PLA2R1: variants seen among roughly 807,000 people sequenced by gnomAD.
PLA2R1 encodes the protein phospholipase A2 receptor 1, also known as secretory phospholipase A2 receptor.
A neutral mutation model predicts 195.9 loss-of-function variants in PLA2R1; 158 were observed. The ratio of observed to expected loss-of-function variants is 0.81; its 90% CI spans 0.71 to 0.92. The LOEUF is 0.92. Among genes scored for constraint, PLA2R1 ranks in the 40% least tolerant of loss-of-function variants. PLA2R1 has a pLI of 0.00. For synonymous variants in PLA2R1, 586 were observed against 598.2 expected, an observed-to-expected ratio of 0.98 and a Z score of 0.30; for missense variants, 1,626 against 1,764.6, an observed-to-expected ratio of 0.92 and a Z score of 1.41.
intron 28 of PLA2R1, among the ~76,000 whole-genome samples, chr2:159,943,160 G>A (rs138342937): frequency 1.2e-3 from 175 of 152,112 alleles, no homozygotes; most frequent in African/African-American, 4.0e-3. Flanking sequence ...AGTAGAGATG[G>A]AGTTTTGCCA....
chr2:160,027,544 T>TA (rs1424059328), intron 6 of PLA2R1, among the ~76,000 whole-genome samples: 1 of 152,252 alleles, frequency 6.6e-6, no homozygotes, highest in African/African-American at 2.4e-5. Flanking sequence ...AGACAATATT[T>TA]AAAAATGACA....
chr2:160,049,991 A>G (rs1695118816), intron 1 of PLA2R1, among the ~76,000 whole-genome samples: 1 of 152,220 alleles, frequency 6.6e-6, no homozygotes, highest in Non-Finnish European at 1.5e-5. Flanking sequence ...ATCAGGATAA[A>G]GAGCTAATGC....
chr2:159,928,549 G>A (rs1414806143), downstream of PLA2R1, among the ~76,000 whole-genome samples: 1 of 152,184 alleles, frequency 6.6e-6, no homozygotes, highest in Admixed American at 6.5e-5. Flanking sequence ...TCATGGATAG[G>A]TGGAATCAAT....
intron 23 of PLA2R1, among the ~76,000 whole-genome samples, chr2:159,952,236 G>T (rs1333121359): frequency 6.6e-6 from 1 of 152,152 alleles, no homozygotes; most frequent in Non-Finnish European, 1.5e-5. Flanking sequence ...ACGTTGTCAA[G>T]CATTGGTGCT....
intron 20 of PLA2R1, among the ~76,000 whole-genome samples, chr2:159,957,875 G>A (rs1490129274): frequency 6.6e-6 from 1 of 152,134 alleles, no homozygotes; most frequent in African/African-American, 2.4e-5. Flanking sequence ...TGCAAAGGAT[G>A]TTTCATCTGG....
intron 8 of PLA2R1, 48 bp downstream of exon 8, chr2:160,020,058 T>G (rs1449224390): frequency 6.8e-7 from 1 of 1,467,778 alleles, no homozygotes; most frequent in African/African-American, 1.4e-5. Context: ...CAGGTGGCCT[T>G]CAGTACAAGA....
rs1689659594 is a variant in PLA2R1 at position 159,977,561 on chromosome 2, G to A, written c.2269-145C>T. 2.2e-5 allele frequency: 13 copies of A among 587,584 alleles called. No homozygotes were observed. In the South Asian group the frequency reaches 2.5e-4, roughly 11 times the overall value. The allele number at this position is 587,584 out of a possible 1,614,324, so 36.4% of individuals were successfully genotyped here. A position where few individuals can be genotyped will look rare whatever the true frequency, so the allele number is the denominator to read the frequency against. On this transcript the variant is annotated intron_variant, in intron 14 of 29. Coordinates refer to ENST00000283243, the MANE Select transcript of PLA2R1 (RefSeq NM_007366.5). ...CTGGATGTCATTCTAGTTGAAGGTT[G>A]TTTCACATTTGTGAAGAACAAGCTA...
intron 12 of PLA2R1, 47 bp from the exon 13 acceptor site, chr2:159,984,120 G>A: frequency 1.1e-6 from 1 of 940,526 alleles, no homozygotes. Flanking sequence ...GATAAAGTCA[G>A]GTTGTTAAAC....
rs1434271348 is a variant in PLA2R1 at position 159,939,948 on chromosome 2, A to C, written c.*1830T>G. ...AATATCTTTTAAAAAATGAAGTCCCAATACTTAAAAAAATTATGGAGGTAG... is the reference window on the plus strand; with the variant it reads ...AATATCTTTTAAAAAATGAAGTCCCCATACTTAAAAAAATTATGGAGGTAG... On this transcript the variant is annotated 3_prime_UTR_variant, in exon 30 of 30. Coordinates refer to ENST00000283243, the MANE Select transcript of PLA2R1 (RefSeq NM_007366.5). 1 of 152,224 alleles carries C rather than the reference A, an allele frequency of 6.6e-6. No individual in the cohort carries two copies. Among genetic ancestry groups the C allele is most frequent in the Non-Finnish European group, 1.5e-5 (1 of 68,042 alleles). 9.4% of individuals were successfully genotyped at this position (152,224 alleles called of 1,614,324 possible).
chr2:160,053,073 G>A (rs1397578436), intron 1 of PLA2R1, among the ~76,000 whole-genome samples: 25 of 152,170 alleles, frequency 1.6e-4, no homozygotes, highest in Non-Finnish European at 2.9e-5. Context: ...TCTGGAGGCT[G>A]GAAGCGTGAG....
intron 4 of PLA2R1, among the ~76,000 whole-genome samples, chr2:160,032,650 G>T (rs1424057607): frequency 1.3e-5 from 2 of 152,168 alleles, no homozygotes; most frequent in Non-Finnish European, 2.9e-5. Flanking sequence ...CTCCAGAAGA[G>T]CAAGCAAATA....
At chr2:159,991,595 C>T (rs1690800627) in intron 11 of PLA2R1, among the ~76,000 whole-genome samples, 1 of 146,616 alleles carries the variant, frequency 6.8e-6, no homozygotes, top group Admixed American at 6.7e-5. Flanking sequence ...ATATATCTCC[C>T]AATGCTATCC....
At chr2:159,994,126 A>G (rs1421707555) in intron 11 of PLA2R1, among the ~76,000 whole-genome samples, 1 of 151,958 alleles carries the variant, frequency 6.6e-6, no homozygotes, top group Non-Finnish European at 1.5e-5. Context: ...GCACACAACT[A>G]CCTAGGAAGT....
chr2:159,925,212 A>G, the PLA2R1 span, among the ~76,000 whole-genome samples: 7 of 151,880 alleles, frequency 4.6e-5, no homozygotes, highest in South Asian at 2.1e-4. Flanking sequence ...CAAACAATCA[A>G]TTAGGATCTT....
In PLA2R1 at chr2:159,979,859, C is replaced by T. The variant is rs761476571; in HGVS notation, c.2239G>A (p.Gly747Ser). ...GFNKRNPLNA[G>S]SWEWSDRTPV... ...GTTCTATCAGACCACTCCCATGAGC[C>T]GGCATTCAGTGGGTTTCTTTTATTA... The change falls in exon 14 of 30, where the codon GGC (glycine) becomes AGC (serine). Residue 747 changes from glycine (G) to serine (S), a missense_variant. Gly to Ser is a moderately conservative substitution (Grantham distance 56). Coordinates refer to ENST00000283243, the MANE Select transcript of PLA2R1 (RefSeq NM_007366.5). 1.0e-5 allele frequency: 16 copies of T among 1,606,000 alleles called. No homozygotes were observed. The highest frequency in any genetic ancestry group is 1.1e-5 in the Non-Finnish European group (13 of 1,173,090).
At chr2:159,956,827 C>T (rs1396719618) in intron 20 of PLA2R1, among the ~76,000 whole-genome samples, 200 bp from the exon 21 acceptor site, 1 of 152,120 alleles carries the variant, frequency 6.6e-6, no homozygotes, top group Non-Finnish European at 1.5e-5. Context: ...TAATGACTTG[C>T]CTGCATTTGC....
At position 159,934,415 on chromosome 2, in the gene PLA2R1, C is replaced by T. The variant is rs1199860048; in HGVS notation, c.*7363G>A. On this transcript the variant is annotated 3_prime_UTR_variant, in exon 30 of 30. Transcript: ENST00000283243. Reference sequence around the variant, plus strand: ...TGGTGTGTTAGGTAAGTTGGAGACACACAGGGTTTTGCCCTGCTTCTCATC... The same window carrying T: ...TGGTGTGTTAGGTAAGTTGGAGACATACAGGGTTTTGCCCTGCTTCTCATC... 1 of 152,188 alleles carries T rather than the reference C, an allele frequency of 6.6e-6. No homozygotes were observed. The highest frequency in any genetic ancestry group is 1.5e-5 in the Non-Finnish European group (1 of 68,040). 9.4% of individuals were successfully genotyped at this position (152,188 alleles called of 1,614,324 possible).
intron 11 of PLA2R1, among the ~76,000 whole-genome samples, chr2:159,995,030 G>A (rs1035223217): frequency 6.6e-6 from 1 of 152,040 alleles, no homozygotes; most frequent in Non-Finnish European, 1.5e-5. Context: ...TTCCTGTTCA[G>A]TGGTCAATTC....
At chr2:160,040,426 A>T (rs182600966) in intron 3 of PLA2R1, among the ~76,000 whole-genome samples, 2 of 152,268 alleles carry the variant, frequency 1.3e-5, no homozygotes, top group East Asian at 3.9e-4. Context: ...AAATGTGTTG[A>T]TATTATCCCT....
Sources: gnomAD v4.1 joint callset for allele counts (sites outside exome capture counted in the v4.1 genomes callset) on GRCh38, gnomAD v4.1.1 for gene constraint, MANE v1.5 for transcripts, NCBI Gene and HGNC (gene_info 2026-07-23, HGNC 2026-07-21) for gene names.